PDE4D: variants seen among roughly 807,000 people sequenced by gnomAD.
The protein encoded by PDE4D is phosphodiesterase 4D.
PDE4D carries 24 observed loss-of-function variants against 87.4 expected under a neutral mutation model. The ratio of observed to expected loss-of-function variants is 0.27; its 90% CI spans 0.20 to 0.39. The LOEUF (loss-of-function observed/expected upper bound fraction) is 0.39. Among genes scored for constraint, PDE4D ranks in the 10% least tolerant of loss-of-function variants. PDE4D has a pLI of 1.00. For missense variants in PDE4D, 714 were observed against 1,041.0 expected, an observed-to-expected ratio of 0.69 and a Z score of 4.32; for synonymous variants, 384 against 383.2, an observed-to-expected ratio of 1.00 and a Z score of -0.02.
At chr5:59,713,227 T>C (rs1478064375) in intron 1 of PDE4D, among the ~76,000 whole-genome samples, 2 of 152,118 alleles carry the variant, frequency 1.3e-5, no homozygotes, top group African/African-American at 2.4e-5. Flanking sequence ...AGGCAAAAAT[T>C]TTAAAAATCT....
chr5:60,082,250 G>A (rs928671065), intron 2 of PDE4D, among the ~76,000 whole-genome samples: 1 of 152,080 alleles, frequency 6.6e-6, no homozygotes, highest in Non-Finnish European at 1.5e-5. Flanking sequence ...TAATAAATGG[G>A]ATTAATACCC....
intron 1 of PDE4D, among the ~76,000 whole-genome samples, chr5:59,574,236 G>T (rs1822741273): frequency 7.1e-6 from 1 of 140,934 alleles, no homozygotes; most frequent in Non-Finnish European, 1.5e-5. Context: ...GTTTGTAAAG[G>T]TAATATATAT....
At chr5:60,452,443 T>C (rs986382549) in intron 1 of PDE4D, among the ~76,000 whole-genome samples, 1 of 152,112 alleles carries the variant, frequency 6.6e-6, no homozygotes, top group African/African-American at 2.4e-5. Flanking sequence ...CCGCCACATG[T>C]CTGCCCACTC....
At chr5:60,091,602 T>C (rs2149310495) in intron 2 of PDE4D, among the ~76,000 whole-genome samples, 1 of 152,248 alleles carries the variant, frequency 6.6e-6, no homozygotes, top group East Asian at 1.9e-4. Flanking sequence ...TAAAAATAGA[T>C]CTACAGATGA....
At chr5:60,468,576 A>G (rs1747573376) in intron 1 of PDE4D, among the ~76,000 whole-genome samples, 1 of 152,012 alleles carries the variant, frequency 6.6e-6, no homozygotes, top group East Asian at 1.9e-4. Flanking sequence ...TTCATATGAA[A>G]TGTCATAGGT....
intron 1 of PDE4D, among the ~76,000 whole-genome samples, chr5:60,383,495 T>C (rs548165807): frequency 1.3e-5 from 2 of 152,314 alleles, no homozygotes; most frequent in South Asian, 4.1e-4. Flanking sequence ...GTAAATCAGC[T>C]ACTTCCAAGC....
intron 1 of PDE4D, chr5:60,521,389 T>G (rs1443024546): frequency 6.6e-6 from 1 of 152,240 alleles, no homozygotes; most frequent in Non-Finnish European, 1.5e-5. Flanking sequence ...ATTGTCGATG[T>G]GATCGTTTCA....
At chr5:59,460,314 T>A (rs1289973446) in intron 1 of PDE4D, among the ~76,000 whole-genome samples, 1 of 152,166 alleles carries the variant, frequency 6.6e-6, no homozygotes, top group African/African-American at 2.4e-5. Context: ...ACAAACATTA[T>A]GCTAATTAAA....
chr5:59,806,483 G>A (rs1334020314), intron 1 of PDE4D, among the ~76,000 whole-genome samples: 3 of 152,176 alleles, frequency 2.0e-5, no homozygotes, highest in South Asian at 4.1e-4. Flanking sequence ...ATAAACTGAA[G>A]GGCTAATGGA....
chr5:59,937,289 C>A (rs780025955), intron 3 of PDE4D, among the ~76,000 whole-genome samples: 1 of 152,056 alleles, frequency 6.6e-6, no homozygotes, highest in African/African-American at 2.4e-5. Context: ...ATAATATATA[C>A]GCTAACATAT....
chr5:59,199,847 T>C (rs1038989170), intron 2 of PDE4D, among the ~76,000 whole-genome samples: 14 of 151,998 alleles, frequency 9.2e-5, no homozygotes, highest in Admixed American at 7.2e-4. Context: ...TGTATATGTA[T>C]ATATACATAC....
chr5:60,110,089 A>C (rs1777518658), intron 2 of PDE4D, among the ~76,000 whole-genome samples: 1 of 152,098 alleles, frequency 6.6e-6, no homozygotes, highest in African/African-American at 2.4e-5. Flanking sequence ...TGGTACTCAA[A>C]TGCCAAAGCT....
chr5:59,709,869 G>A (rs1411291265), intron 1 of PDE4D, among the ~76,000 whole-genome samples: 1 of 152,176 alleles, frequency 6.6e-6, no homozygotes, highest in African/African-American at 2.4e-5. Context: ...CAAATCCCAA[G>A]TCTCCATTAC....
intron 1 of PDE4D, among the ~76,000 whole-genome samples, chr5:60,256,158 A>G (rs1217380818): frequency 3.3e-5 from 5 of 151,902 alleles, no homozygotes; most frequent in Non-Finnish European, 7.4e-5. Flanking sequence ...CTGTTGCTCC[A>G]GGTGGCCAAA....
intron 1 of PDE4D, among the ~76,000 whole-genome samples, chr5:59,737,180 T>C (rs1401547417): frequency 6.6e-6 from 1 of 152,214 alleles, no homozygotes; most frequent in Non-Finnish European, 1.5e-5. Flanking sequence ...TACAATGACT[T>C]TGATGACATA....
intron 1 of PDE4D, among the ~76,000 whole-genome samples, chr5:59,329,871 T>G (rs1053603695): frequency 6.6e-5 from 10 of 152,196 alleles, no homozygotes; most frequent in African/African-American, 2.4e-4. Flanking sequence ...CAGTCTCAAA[T>G]TTATGAAGGG....
chr5:59,323,527 T>C (rs942687823), intron 1 of PDE4D, among the ~76,000 whole-genome samples: 3 of 152,094 alleles, frequency 2.0e-5, no homozygotes, highest in Admixed American at 1.3e-4. Flanking sequence ...TCAGTAAATG[T>C]CATTCCCATC....
chr5:60,418,476 G>A lies in PDE4D; in HGVS notation c.-90+69466C>T, dbSNP rs142623361. On this transcript the variant is annotated intron_variant, in intron 1 of 16. Coordinates refer to the PDE4D transcript ENST00000502484. ...ATAATAACTCTAATTTATATAAATCGCTGCTGCTTATCTTATTTGTTTTTT... is the reference window on the plus strand; with the variant it reads ...ATAATAACTCTAATTTATATAAATCACTGCTGCTTATCTTATTTGTTTTTT... Among the ~76,000 whole-genome samples the A allele has an allele frequency of 1.4e-4, 22 of 151,750 alleles. 1 individual carries two copies. The East Asian group carries it at 4.3e-3, about 29-fold the overall frequency.
At chr5:59,777,786 CTT>C (rs1491445454) in intron 1 of PDE4D, among the ~76,000 whole-genome samples, 1 of 152,108 alleles carries the variant, frequency 6.6e-6, no homozygotes, top group Non-Finnish European at 1.5e-5. Context: ...TCTAAAATAA[CTT>C]ATATAACAGT....
Sources: allele counts gnomAD v4.1 joint callset (sites outside exome capture counted in the v4.1 genomes callset), GRCh38; gene constraint gnomAD v4.1.1; transcripts MANE v1.5; gene names NCBI Gene and HGNC (gene_info 2026-07-23, HGNC 2026-07-21).